Variants in SLC35F3 observed in about 807,000 individuals in gnomAD.
SLC35F3 encodes the protein putative thiamine transporter SLC35F3.
SLC35F3 carries 25 observed loss-of-function variants against 49.9 expected under a neutral mutation model. The observed-to-expected ratio is 0.50, with a 90% CI of 0.37 to 0.70. SLC35F3 has a LOEUF of 0.70. Ranked by LOEUF, SLC35F3 falls within the 30% of genes least tolerant of loss-of-function variation. The pLI is 0.00. For synonymous variants in SLC35F3, 275 were observed against 265.4 expected (o/e 1.04, Z -0.35); for missense variants, 525 against 639.8 (o/e 0.82, Z 1.94).
chr1:234,114,951 T>C (rs1183932015), intron 2 of SLC35F3, among the ~76,000 whole-genome samples: 1 of 152,196 alleles, frequency 6.6e-6, no homozygotes, highest in Non-Finnish European at 1.5e-5. Context: ...AGAGACAGCT[T>C]TAAAGGGGAC....
intron 2 of SLC35F3, among the ~76,000 whole-genome samples, chr1:234,144,210 A>G (rs932204972): frequency 1.3e-5 from 2 of 152,150 alleles, no homozygotes; most frequent in African/African-American, 4.8e-5. Context: ...CAGTTCTAAC[A>G]CCCTGCACAG....
At chr1:234,006,286 T>C (rs936326437) in intron 2 of SLC35F3, among the ~76,000 whole-genome samples, 2 of 152,190 alleles carry the variant, frequency 1.3e-5, no homozygotes, top group Non-Finnish European at 2.9e-5. Flanking sequence ...CACGTAAGTT[T>C]ATAAGTACAA....
At chr1:234,232,432 A>C (rs1667393633) in intron 3 of SLC35F3, among the ~76,000 whole-genome samples, 1 of 138,866 alleles carries the variant, frequency 7.2e-6, no homozygotes, top group Non-Finnish European at 1.5e-5. Flanking sequence ...CGTGGCGCTC[A>C]TCTGTGCCAA....
chr1:234,048,629 C>T lies in SLC35F3; in HGVS notation c.283+142871C>T, dbSNP rs377051470. 8.6e-3 allele frequency among the ~76,000 whole-genome samples: 226 copies of T among 26,248 alleles called. 6 individuals are homozygous for T. The South Asian group carries it at 0.15, about 17-fold the overall frequency. 17.2% of individuals were successfully genotyped at this position (26,248 alleles called of 152,430 possible). A position where few individuals can be genotyped will look rare whatever the true frequency, so the allele number is the denominator to read the frequency against. On this transcript the variant is annotated intron_variant, in intron 2 of 7. Transcript: ENST00000366618. ...ACTACCACAGTTTCACTGGCCAGGC[C>T]GCATCACCTGGAGCCTTGGGAGCAA...
rs117399757 is a variant in SLC35F3 at position 234,041,030 on chromosome 1, A to G, written c.283+135272A>G. Among the ~76,000 whole-genome samples the G allele has an allele frequency of 3.7e-4, 57 of 152,250 alleles. 1 individual carries two copies. The East Asian group carries it at 9.8e-3, about 26-fold the overall frequency. ...TTTCATGGGTAGAAACACATGTGCT[A>G]TCTCTGCAGAGGTATATTCGTTTTT... On this transcript the variant is annotated intron_variant, in intron 2 of 7. Coordinates refer to ENST00000366618, the MANE Select transcript of SLC35F3 (RefSeq NM_173508.4).
intron 2 of SLC35F3, among the ~76,000 whole-genome samples, chr1:233,985,294 T>C (rs1159752688): frequency 6.6e-6 from 1 of 152,190 alleles, no homozygotes; most frequent in Non-Finnish European, 1.5e-5. Context: ...AAGAGAAAAA[T>C]TGAACAGAGC....
chr1:233,986,792 G>A (rs1393154239), intron 2 of SLC35F3, among the ~76,000 whole-genome samples: 1 of 152,110 alleles, frequency 6.6e-6, no homozygotes, highest in Non-Finnish European at 1.5e-5. Context: ...TTTCTTTGCA[G>A]ACATTCCTTT....
intron 2 of SLC35F3, among the ~76,000 whole-genome samples, chr1:233,999,722 C>A (rs1469328474): frequency 6.6e-6 from 1 of 152,022 alleles, no homozygotes; most frequent in Non-Finnish European, 1.5e-5. Context: ...TGCTCTGCAG[C>A]ACACTCTTTC....
At chr1:233,937,017 A>G (rs1020963760) in intron 2 of SLC35F3, among the ~76,000 whole-genome samples, 4 of 152,136 alleles carry the variant, frequency 2.6e-5, no homozygotes, top group African/African-American at 9.7e-5. Context: ...AGGCTCTGAC[A>G]TTTTGTGATA....
chr1:234,062,643 T>G lies in SLC35F3; in HGVS notation c.283+156885T>G, dbSNP rs542530792. Among the ~76,000 whole-genome samples, 8 of 152,228 alleles carry G rather than the reference T, an allele frequency of 5.3e-5. No homozygotes were observed. In the South Asian group the frequency reaches 1.7e-3, roughly 32 times the overall value. On this transcript the variant is annotated intron_variant, in intron 2 of 7. Coordinates refer to ENST00000366618, the MANE Select transcript of SLC35F3 (RefSeq NM_173508.4). ...ATTTCTTTAGGAAATAATTAAGAGA[T>G]TTCTGTTTTCTGTTCTTTTCTTTCA...
chr1:234,316,501 C>T (rs531497487), intron 4 of SLC35F3, 101 bp from the exon 5 acceptor site: 150 of 1,432,348 alleles, frequency 1.0e-4, no homozygotes, highest in Non-Finnish European at 1.3e-4. Context: ...TTTCCCCTCA[C>T]GTGGCTGAAC....
At chr1:233,933,536 G>A (rs1375596732) in intron 2 of SLC35F3, among the ~76,000 whole-genome samples, 1 of 152,094 alleles carries the variant, frequency 6.6e-6, no homozygotes, top group Admixed American at 6.5e-5. Context: ...CTCTGGAACT[G>A]GAGGTGAAGA....
At chr1:234,219,597 A>G (rs780107089) in intron 2 of SLC35F3, among the ~76,000 whole-genome samples, 2 of 152,210 alleles carry the variant, frequency 1.3e-5, no homozygotes, top group Non-Finnish European at 2.9e-5. Flanking sequence ...TGGAAGAAGT[A>G]TAAAGTAAAT....
intron 2 of SLC35F3, among the ~76,000 whole-genome samples, chr1:234,011,842 G>T (rs1663725254): frequency 6.6e-6 from 1 of 152,076 alleles, no homozygotes; most frequent in African/African-American, 2.4e-5. Context: ...ACACCTGTGG[G>T]AATATCTCAT....
At chr1:234,156,078 A>G (rs1251643196) in intron 2 of SLC35F3, among the ~76,000 whole-genome samples, 2 of 152,198 alleles carry the variant, frequency 1.3e-5, no homozygotes, top group Non-Finnish European at 1.5e-5. Flanking sequence ...TACTTTTAAT[A>G]TATGAAAAGG....
chr1:234,199,077 A>T (rs1035961874), intron 2 of SLC35F3, among the ~76,000 whole-genome samples: 4 of 151,776 alleles, frequency 2.6e-5, no homozygotes, highest in African/African-American at 9.7e-5. Context: ...AAAAATTAAA[A>T]ACTGGCCAGT....
intron 2 of SLC35F3, among the ~76,000 whole-genome samples, chr1:234,136,541 A>T (rs913590898): frequency 1.3e-5 from 2 of 152,172 alleles, no homozygotes; most frequent in African/African-American, 4.8e-5. Flanking sequence ...TGCATATTAC[A>T]GTTGTAATTC....
rs548760597 is a variant in SLC35F3, at chr1:234,018,901, T to G, written c.283+113143T>G. Reference sequence around the variant, plus strand: ...TAATTTTTTGGTTGGGTGTGCGCACTGAGTACATGCTGCCTTTCTGGAGAC... The same window carrying G: ...TAATTTTTTGGTTGGGTGTGCGCACGGAGTACATGCTGCCTTTCTGGAGAC... On this transcript the variant is annotated intron_variant, in intron 2 of 7. Transcript: ENST00000366618. Among the ~76,000 whole-genome samples, 163 of 152,360 alleles carry G rather than the reference T, an allele frequency of 1.1e-3. 1 individual carries two copies. In the South Asian group the frequency reaches 0.016, roughly 15 times the overall value.
At chr1:234,226,662 C>T (rs1052529781) in intron 2 of SLC35F3, among the ~76,000 whole-genome samples, 1 of 152,168 alleles carries the variant, frequency 6.6e-6, no homozygotes, top group African/African-American at 2.4e-5. Context: ...TAGCTAACCT[C>T]GACCTTCAGC....
Sources: gnomAD v4.1 joint callset for allele counts (sites outside exome capture counted in the v4.1 genomes callset) on GRCh38, gnomAD v4.1.1 for gene constraint, MANE v1.5 for transcripts, NCBI Gene and HGNC (gene_info 2026-07-23, HGNC 2026-07-21) for gene names.